RAPGEF4: variants seen among roughly 807,000 people sequenced by gnomAD.
RAPGEF4 encodes the protein Rap guanine nucleotide exchange factor 4.
A neutral mutation model predicts 147.9 loss-of-function variants in RAPGEF4; 66 were observed. The ratio of observed to expected loss-of-function variants is 0.45; its 90% CI spans 0.37 to 0.55. RAPGEF4 has a LOEUF of 0.55. RAPGEF4 is among the 20% of genes least tolerant of loss of function. RAPGEF4 has a pLI of 0.00. For missense variants in RAPGEF4, 1,071 were observed against 1,257.3 expected, an observed-to-expected ratio of 0.85 and a Z score of 2.24; for synonymous variants, 419 against 442.7, an observed-to-expected ratio of 0.95 and a Z score of 0.67.
chr2:172,971,272 G>T (rs894037213), intron 10 of RAPGEF4, among the ~76,000 whole-genome samples: 5 of 152,204 alleles, frequency 3.3e-5, no homozygotes, highest in African/African-American at 1.2e-4. Context: ...CTCCTTCCAA[G>T]TAAAGTGAGA....
chr2:173,030,255 G>A lies in RAPGEF4; in HGVS notation c.2649+1G>A. The A allele has an allele frequency of 6.2e-7, 1 of 1,607,246 alleles. No homozygotes were observed. The highest frequency in any genetic ancestry group is 8.5e-7 in the Non-Finnish European group (1 of 1,173,798). ...GAGCCGCTTGGCACTAACGTGGGAGGTAAGCTTCAGCTAGGATCCAGCTGT... is the reference window on the plus strand; with the variant it reads ...GAGCCGCTTGGCACTAACGTGGGAGATAAGCTTCAGCTAGGATCCAGCTGT... On this transcript the variant is annotated splice_donor_variant, in intron 26 of 30. Coordinates refer to ENST00000397081, the MANE Select transcript of RAPGEF4 (RefSeq NM_007023.4). LOFTEE classifies it high-confidence loss of function.
rs1190068658 is a variant in RAPGEF4 at position 173,019,896 on chromosome 2, AT to A, written c.2156-715del. 2.0e-5 allele frequency among the ~76,000 whole-genome samples: 3 copies of A among 151,814 alleles called. No homozygotes were observed. In the South Asian group the frequency reaches 6.2e-4, roughly 32 times the overall value. ...GCTTCCTAGACCCCACCCCTGTGAT[AT>A]TTTTTTCTCCTTGCCTTCTCACTCT... is the stretch of plus-strand genomic sequence containing the variant. On this transcript the variant is annotated intron_variant, in intron 22 of 30. Coordinates refer to ENST00000397081, the MANE Select transcript of RAPGEF4 (RefSeq NM_007023.4).
chr2:172,909,044 G>C (rs776477453), intron 4 of RAPGEF4, among the ~76,000 whole-genome samples: 1 of 152,178 alleles, frequency 6.6e-6, no homozygotes, highest in Non-Finnish European at 1.5e-5. Context: ...CCTGATAGGG[G>C]CCTCCCACGT....
At chr2:172,800,550 G>A (rs1255480534) in intron 3 of RAPGEF4, among the ~76,000 whole-genome samples, 1 of 152,172 alleles carries the variant, frequency 6.6e-6, no homozygotes, top group Admixed American at 6.5e-5. Context: ...CAGAGAAACA[G>A]AATCACTAAG....
chr2:172,807,697 A>G (rs1280557905), intron 3 of RAPGEF4, among the ~76,000 whole-genome samples: 1 of 152,236 alleles, frequency 6.6e-6, no homozygotes, highest in African/African-American at 2.4e-5. Context: ...TTGCCTTGTT[A>G]GAATTTATGT....
At chr2:172,736,199 G>C (rs573544606) in intron 1 of RAPGEF4, 151 bp downstream of exon 1, 1 of 444,398 alleles carries the variant, frequency 2.3e-6, no homozygotes, top group African/African-American at 2.1e-5. Flanking sequence ...CCTCGTCCGG[G>C]AGACAGGAGG....
chr2:172,820,980 G>A (rs528234955), intron 4 of RAPGEF4, among the ~76,000 whole-genome samples: 5 of 152,310 alleles, frequency 3.3e-5, no homozygotes, highest in African/African-American at 1.2e-4. Context: ...TGAAGCAACA[G>A]CAGCTTAGTC....
intron 4 of RAPGEF4, among the ~76,000 whole-genome samples, chr2:172,823,593 G>C (rs950152873): frequency 1.3e-5 from 2 of 152,132 alleles, no homozygotes; most frequent in Non-Finnish European, 2.9e-5. Context: ...TCCTGCTCTC[G>C]TGGGGCCAAA....
chr2:172,813,571 A>G (rs367778343), intron 3 of RAPGEF4, among the ~76,000 whole-genome samples: 6 of 152,112 alleles, frequency 3.9e-5, no homozygotes, highest in Non-Finnish European at 7.4e-5. Context: ...CTGCTTATCA[A>G]CTGTGTGAAC....
chr2:173,001,420 T>A, intron 17 of RAPGEF4, 76 bp downstream of exon 17: 1 of 1,575,970 alleles, frequency 6.3e-7, no homozygotes, highest in Non-Finnish European at 8.7e-7. Flanking sequence ...TCTTATCTCA[T>A]CTTCTGCAGG....
chr2:172,978,028 T>C (rs1477808565), intron 10 of RAPGEF4, among the ~76,000 whole-genome samples: 1 of 152,216 alleles, frequency 6.6e-6, no homozygotes, highest in Non-Finnish European at 1.5e-5. Context: ...GAAACTAAAC[T>C]GTTTTTAGGC....
intron 16 of RAPGEF4, among the ~76,000 whole-genome samples, chr2:172,998,569 A>C (rs372049952): frequency 5.3e-5 from 8 of 152,274 alleles, no homozygotes; most frequent in African/African-American, 1.9e-4. Flanking sequence ...CAACAACAAA[A>C]AGGTAGAGCC....
chr2:172,800,929 G>T (rs1249635759), intron 3 of RAPGEF4, among the ~76,000 whole-genome samples: 1 of 152,174 alleles, frequency 6.6e-6, no homozygotes, highest in African/African-American at 2.4e-5. Flanking sequence ...AATGAGGAGG[G>T]AAATGGGGTT....
chr2:172,912,900 T>C (rs1026264054), intron 4 of RAPGEF4, among the ~76,000 whole-genome samples: 1 of 149,740 alleles, frequency 6.7e-6, no homozygotes, highest in African/African-American at 2.5e-5. Flanking sequence ...ACTCTTTTTT[T>C]TTTTTTTTTT....
chr2:172,751,805 G>A (rs1367832659), intron 1 of RAPGEF4, among the ~76,000 whole-genome samples: 2 of 152,170 alleles, frequency 1.3e-5, no homozygotes, highest in African/African-American at 4.8e-5. Context: ...ATGCGGCACT[G>A]CCCTTTTGTT....
At chr2:173,020,329 G>C (rs1251260887) in intron 22 of RAPGEF4, among the ~76,000 whole-genome samples, 1 of 151,954 alleles carries the variant, frequency 6.6e-6, no homozygotes, top group Non-Finnish European at 1.5e-5. Flanking sequence ...AAATAGCCAA[G>C]TGCGGGTTTT....
intron 6 of RAPGEF4, among the ~76,000 whole-genome samples, chr2:172,939,440 C>T (rs1686926201): frequency 6.6e-6 from 1 of 152,056 alleles, no homozygotes; most frequent in African/African-American, 2.4e-5. Flanking sequence ...TGCTGTTTGC[C>T]ATCTGTCTTC....
In RAPGEF4 at chr2:173,017,170, G is replaced by A. The variant is rs185987977; in HGVS notation, c.1899-4G>A. 6.8e-6 allele frequency: 11 copies of A among 1,612,946 alleles called. No individual in the cohort carries two copies. In the East Asian group the frequency reaches 8.9e-5, roughly 13 times the overall value. ...AAATAATGTGCTTTCTCTACTTCTC[G>A]TAGCTCAGAAGATGCAAAGGCACCA... On this transcript the variant is annotated splice_region_variant and splice_polypyrimidine_tract_variant and intron_variant, in intron 19 of 30. Transcript: ENST00000397081.
chr2:172,961,389 G>A (rs1032938744), intron 8 of RAPGEF4, among the ~76,000 whole-genome samples, 161 bp downstream of exon 8: 3 of 152,230 alleles, frequency 2.0e-5, no homozygotes, highest in Non-Finnish European at 4.4e-5. Flanking sequence ...CTTAACTGCA[G>A]TTGTTTAATT....
Sources: allele counts gnomAD v4.1 joint callset (sites outside exome capture counted in the v4.1 genomes callset), GRCh38; gene constraint gnomAD v4.1.1; transcripts MANE v1.5; gene names NCBI Gene and HGNC (gene_info 2026-07-23, HGNC 2026-07-21).